FNDC3A: variants seen among roughly 807,000 people sequenced by gnomAD.
FNDC3A encodes fibronectin type-III domain-containing protein 3A.
Under a neutral mutation model 148.9 loss-of-function variants are expected in FNDC3A, and 32 were observed. That is an observed-to-expected ratio of 0.21 (90% CI 0.16 to 0.29). The LOEUF is 0.29. Ranked by LOEUF, FNDC3A falls within the 10% of genes least tolerant of loss-of-function variation. The pLI is 1.00. For synonymous variants in FNDC3A, 472 were observed against 473.6 expected, an observed-to-expected ratio of 1.00 and a Z score of 0.04; for missense variants, 1,191 against 1,452.8, an observed-to-expected ratio of 0.82 and a Z score of 2.93.
At chr13:49,039,987 T>C (rs1229712346) in intron 2 of FNDC3A, among the ~76,000 whole-genome samples, 2 of 152,228 alleles carry the variant, frequency 1.3e-5, no homozygotes, top group African/African-American at 4.8e-5. Flanking sequence ...GTACTGGGAT[T>C]ACAGGCGTGA....
At chr13:49,016,511 G>GCT (rs1474878362) in intron 2 of FNDC3A, among the ~76,000 whole-genome samples, 1 of 151,692 alleles carries the variant, frequency 6.6e-6, no homozygotes, top group African/African-American at 2.4e-5. Flanking sequence ...TATTAGTCTT[G>GCT]CTAGTGGTCT....
At chr13:49,169,780 C>T (rs1341123503) in intron 10 of FNDC3A, among the ~76,000 whole-genome samples, 4 of 152,146 alleles carry the variant, frequency 2.6e-5, no homozygotes, top group Admixed American at 2.6e-4. Context: ...GTTTCTAGTT[C>T]TTCTGAGGAT....
intron 19 of FNDC3A, among the ~76,000 whole-genome samples, chr13:49,195,178 A>G (rs1253884282): frequency 6.6e-6 from 1 of 152,190 alleles, no homozygotes; most frequent in Non-Finnish European, 1.5e-5. Context: ...GGTTGAGGTT[A>G]TTTCAGGAGA....
At chr13:49,141,239 T>C (rs937745928) in intron 7 of FNDC3A, among the ~76,000 whole-genome samples, 1 of 152,326 alleles carries the variant, frequency 6.6e-6, no homozygotes, top group Non-Finnish European at 1.5e-5. Context: ...ATTAACTATA[T>C]TGAAAGTGTT....
chr13:49,019,307 C>T (rs576239472), intron 2 of FNDC3A, among the ~76,000 whole-genome samples: 2 of 152,214 alleles, frequency 1.3e-5, no homozygotes, highest in South Asian at 2.1e-4. Context: ...TCTTCTGGTG[C>T]GCCGTTTTTT....
intron 2 of FNDC3A, among the ~76,000 whole-genome samples, chr13:49,019,259 G>A (rs1263448428): frequency 3.9e-5 from 6 of 152,230 alleles, no homozygotes; most frequent in Non-Finnish European, 5.9e-5. Flanking sequence ...GCGAGACTCC[G>A]TGGGCGTAGG....
At chr13:49,096,404 T>C (rs193041299) in intron 3 of FNDC3A, among the ~76,000 whole-genome samples, 1 of 152,306 alleles carries the variant, frequency 6.6e-6, no homozygotes, top group Admixed American at 6.5e-5. Flanking sequence ...GTTTCCATTC[T>C]TTATGGTTTA....
chr13:49,129,133 T>C (rs1881878971), intron 4 of FNDC3A, among the ~76,000 whole-genome samples: 1 of 152,242 alleles, frequency 6.6e-6, no homozygotes, highest in African/African-American at 2.4e-5. Context: ...ATTATCAGTT[T>C]GTTTTGCTGA....
chr13:49,192,978 G>A (rs1885962419), intron 19 of FNDC3A, among the ~76,000 whole-genome samples: 1 of 151,960 alleles, frequency 6.6e-6, no homozygotes, highest in Non-Finnish European at 1.5e-5. Context: ...TGTTGTTGTC[G>A]ACATGAATTA....
At chr13:49,142,403 C>G (rs946175783) in intron 7 of FNDC3A, among the ~76,000 whole-genome samples, 2 of 152,106 alleles carry the variant, frequency 1.3e-5, no homozygotes, top group Non-Finnish European at 2.9e-5. Flanking sequence ...TCTTACATTT[C>G]TTCTTTACCT....
intron 2 of FNDC3A, among the ~76,000 whole-genome samples, chr13:49,029,964 C>T (rs1207839758): frequency 1.3e-5 from 2 of 151,918 alleles, no homozygotes; most frequent in Non-Finnish European, 2.9e-5. Flanking sequence ...AAATTGGTAC[C>T]ACAAAGAAAA....
intron 2 of FNDC3A, among the ~76,000 whole-genome samples, chr13:49,069,688 G>T (rs1877515800): frequency 1.3e-5 from 2 of 152,128 alleles, no homozygotes; most frequent in Admixed American, 6.6e-5. Context: ...AATCTTCAGT[G>T]GTTTGATAGC....
intron 5 of FNDC3A, among the ~76,000 whole-genome samples, chr13:49,133,980 CT>C (rs1015184412): frequency 6.6e-6 from 1 of 152,074 alleles, no homozygotes; most frequent in Admixed American, 6.5e-5. Context: ...TTTTTCTTAA[CT>C]TTTTGTCGAG....
chr13:49,006,187 G>A lies in FNDC3A; in HGVS notation c.-4G>A. 6.4e-7 allele frequency: 1 copy of A among 1,554,058 alleles called. No homozygotes were observed. Among genetic ancestry groups the A allele is most frequent in the Non-Finnish European group, 8.9e-7 (1 of 1,128,942 alleles). On this transcript the variant is annotated 5_prime_UTR_variant, in exon 2 of 26. The change abolishes the stop of an existing upstream ORF in the 5' untranslated region. Transcript: ENST00000492622. ...TTATTCAGTATATTAATGTCTTATT[G>A]ATAATGGCAGAACATCCACCACTAC...
chr13:49,033,253 A>G (rs537588614), intron 2 of FNDC3A, among the ~76,000 whole-genome samples: 1 of 152,342 alleles, frequency 6.6e-6, no homozygotes, highest in South Asian at 2.1e-4. Flanking sequence ...TGGATTATCT[A>G]GAAGCAGATG....
At chr13:49,078,497 T>TA (rs935814603) in intron 3 of FNDC3A, among the ~76,000 whole-genome samples, 5 of 152,188 alleles carry the variant, frequency 3.3e-5, no homozygotes, top group African/African-American at 1.2e-4. Context: ...GTAGAGGTTT[T>TA]AAAAACACAG....
chr13:49,158,183 C>T (rs900225453), intron 8 of FNDC3A, among the ~76,000 whole-genome samples: 3 of 152,136 alleles, frequency 2.0e-5, no homozygotes, highest in Non-Finnish European at 2.9e-5. Context: ...ACTCCGTGGG[C>T]GTAGGACCCT....
At chr13:49,044,659 G>T in intron 2 of FNDC3A, 1 of 222,354 alleles carries the variant, frequency 4.5e-6, no homozygotes, top group Non-Finnish European at 9.3e-6. Flanking sequence ...GACAAAGTGA[G>T]ACTCTGTCTC....
rs373292254 is a variant in FNDC3A, at chr13:49,172,087, A to G, written c.1221A>G (p.Glu407=). The change falls in exon 11 of 26, where the codon GAA becomes GAG. Residue 407 remains glutamate (E), a synonymous_variant. Transcript: ENST00000492622. Reference sequence around the variant, plus strand: ...CTAAAATCCAAAACTTTGTATTAGAATGGGATGAAGTAAGTAAATTGAATC... The same window carrying G: ...CTAAAATCCAAAACTTTGTATTAGAGTGGGATGAAGTAAGTAAATTGAATC... ...NGSKIQNFVL[E]WDEGKGNGEF... 1.6e-5 allele frequency: 26 copies of G among 1,600,572 alleles called. No individual in the cohort carries two copies. In the African/African-American group the frequency reaches 2.5e-4, roughly 16 times the overall value.
Sources: allele counts gnomAD v4.1 joint callset (sites outside exome capture counted in the v4.1 genomes callset), GRCh38; gene constraint gnomAD v4.1.1; transcripts MANE v1.5; gene names NCBI Gene and HGNC (gene_info 2026-07-23, HGNC 2026-07-21).